KIAA0232: variants seen among roughly 807,000 people sequenced by gnomAD.
KIAA0232 encodes the protein uncharacterized protein KIAA0232.
A neutral mutation model predicts 122.0 loss-of-function variants in KIAA0232; 27 were observed. The ratio of observed to expected loss-of-function variants is 0.22; its 90% CI spans 0.16 to 0.31. The LOEUF (loss-of-function observed/expected upper bound fraction) is 0.31, where lower values mean the gene tolerates loss of function less well. Ranked by LOEUF, KIAA0232 falls within the 10% of genes least tolerant of loss-of-function variation. KIAA0232 has a pLI of 1.00. For missense variants in KIAA0232, 1,551 were observed against 1,634.2 expected, an observed-to-expected ratio of 0.95 and a Z score of 0.88; for synonymous variants, 613 against 587.6, an observed-to-expected ratio of 1.04 and a Z score of -0.63.
At chr4:6,824,844 A>C (rs1035674441) in intron 3 of KIAA0232, among the ~76,000 whole-genome samples, 160 bp downstream of exon 3, 3 of 152,218 alleles carry the variant, frequency 2.0e-5, no homozygotes, top group Admixed American at 2.0e-4. Context: ...TTGGAGTGTC[A>C]ATCAGCCTGT....
intron 2 of KIAA0232, among the ~76,000 whole-genome samples, chr4:6,808,465 A>G (rs542690899): frequency 4.1e-4 from 61 of 147,118 alleles, no homozygotes; most frequent in Non-Finnish European, 4.9e-4. Context: ...CATGACTTGC[A>G]GAAGTACCAT....
chr4:6,795,227 C>G (rs148849110), intron 1 of KIAA0232, among the ~76,000 whole-genome samples: 288 of 152,248 alleles, frequency 1.9e-3, no homozygotes, highest in African/African-American at 6.6e-3. Flanking sequence ...CCCACCACCA[C>G]GCCTAGCTAA....
intron 1 of KIAA0232, among the ~76,000 whole-genome samples, chr4:6,797,771 CAAAA>C (rs963052887): frequency 1.1e-4 from 5 of 47,322 alleles, no homozygotes; most frequent in Admixed American, 4.8e-4. Flanking sequence ...CCCTGCCTCT[CAAAA>C]AAAAAAAAAA....
chr4:6,858,551 T>C (rs1180646252), intron 6 of KIAA0232, 45 bp downstream of exon 6: 1 of 1,256,666 alleles, frequency 8.0e-7, no homozygotes, highest in Admixed American at 2.1e-5. Flanking sequence ...TTTGTTAAAA[T>C]CAGATGAATA....
intron 3 of KIAA0232, among the ~76,000 whole-genome samples, chr4:6,841,624 A>G (rs1180548796): frequency 1.3e-5 from 2 of 152,214 alleles, no homozygotes; most frequent in Non-Finnish European, 2.9e-5. Flanking sequence ...AGGAAGAAGT[A>G]AGACTCTAGT....
At chr4:6,787,798 A>G (rs1002690332) in intron 1 of KIAA0232, among the ~76,000 whole-genome samples, 2 of 152,098 alleles carry the variant, frequency 1.3e-5, no homozygotes, top group Admixed American at 1.3e-4. Flanking sequence ...ATCATGACCC[A>G]TTTCCCAAGT....
intron 1 of KIAA0232, among the ~76,000 whole-genome samples, chr4:6,791,295 A>G (rs1437196547): frequency 6.9e-6 from 1 of 145,328 alleles, no homozygotes; most frequent in Non-Finnish European, 1.5e-5. Flanking sequence ...ACATTGGAAT[A>G]CAAGTAGCTG....
At chr4:6,816,124 G>A (rs923152138) in intron 2 of KIAA0232, among the ~76,000 whole-genome samples, 3 of 152,076 alleles carry the variant, frequency 2.0e-5, no homozygotes, top group African/African-American at 7.2e-5. Context: ...TAGAGGTTCT[G>A]TGGTAGACAA....
In KIAA0232 at chr4:6,876,422, G is replaced by T. The variant is rs576543472; in HGVS notation, c.3911-238G>T. Among the ~76,000 whole-genome samples the T allele has an allele frequency of 2.6e-5, 4 of 152,234 alleles. No homozygotes were observed. The East Asian group carries it at 7.7e-4, about 29-fold the overall frequency. On this transcript the variant is annotated intron_variant, in intron 8 of 9. Coordinates refer to ENST00000307659, the MANE Select transcript of KIAA0232 (RefSeq NM_014743.3). ...ATAACAGGAGTGTATGGTTATGCTG[G>T]CCTATTTCTTTTTTTAACTCACCAA...
intron 2 of KIAA0232, among the ~76,000 whole-genome samples, chr4:6,823,923 C>T (rs1718543559): frequency 6.6e-6 from 1 of 152,102 alleles, no homozygotes; most frequent in African/African-American, 2.4e-5. Context: ...AGTCATGGTG[C>T]AGGACAGCCT....
chr4:6,872,882 G>T (rs1347425986), intron 8 of KIAA0232, among the ~76,000 whole-genome samples: 1 of 152,190 alleles, frequency 6.6e-6, no homozygotes, highest in East Asian at 1.9e-4. Context: ...GGCCAGCTTG[G>T]CCAGGTTGAC....
chr4:6,875,217 C>A lies in KIAA0232; in HGVS notation c.3911-1443C>A, dbSNP rs1721687494. Among the ~76,000 whole-genome samples the A allele has an allele frequency of 2.0e-5, 3 of 152,252 alleles. No individual in the cohort carries two copies. The South Asian group carries it at 6.2e-4, about 31-fold the overall frequency. ...CTTTGATAAGCAGCGGTCATGGGTG[C>A]AATGTGTGTGCCCGGCACTGTGCTT... On this transcript the variant is annotated intron_variant, in intron 8 of 9. Coordinates refer to ENST00000307659, the MANE Select transcript of KIAA0232 (RefSeq NM_014743.3).
At chr4:6,847,250 A>G (rs879397528) in intron 4 of KIAA0232, among the ~76,000 whole-genome samples, 1 of 152,194 alleles carries the variant, frequency 6.6e-6, no homozygotes, top group Non-Finnish European at 1.5e-5. Flanking sequence ...CTATAAAAGC[A>G]TCCATAGTTA....
At chr4:6,817,176 A>G (rs1718171958) in intron 2 of KIAA0232, among the ~76,000 whole-genome samples, 1 of 152,186 alleles carries the variant, frequency 6.6e-6, no homozygotes. Context: ...ACAGTGCTCT[A>G]CATTTCTTTC....
chr4:6,811,134 C>T (rs370084726), intron 2 of KIAA0232, among the ~76,000 whole-genome samples: 2 of 152,068 alleles, frequency 1.3e-5, no homozygotes, highest in East Asian at 1.9e-4. Flanking sequence ...AGGAAAAGAA[C>T]GTGTCAGAAA....
rs764032060 is a variant in KIAA0232 at position 6,862,833 on chromosome 4, A to G, written c.2451A>G (p.Gly817=). 6.2e-7 allele frequency: 1 copy of G among 1,614,178 alleles called. No individual in the cohort carries two copies. The highest frequency in any genetic ancestry group is 8.5e-7 in the Non-Finnish European group (1 of 1,180,034). Residue 817 remains glycine (G), a synonymous_variant, in exon 7 of 10, where the codon GGA becomes GGG. Transcript: ENST00000307659. ...AAGTATGTAATGAAAGTCCACATGGAGATGGCTACAGCTCAGGGGTTATTA... is the reference window on the plus strand; with the variant it reads ...AAGTATGTAATGAAAGTCCACATGGGGATGGCTACAGCTCAGGGGTTATTA... ...TTQVCNESPH[G]DGYSSGVIKD...
At chr4:6,850,612 A>G (rs1577397689) in intron 4 of KIAA0232, among the ~76,000 whole-genome samples, 1 of 151,834 alleles carries the variant, frequency 6.6e-6, no homozygotes, top group African/African-American at 2.4e-5. Flanking sequence ...TCTCCTGGTA[A>G]TGGGCCTTTC....
chr4:6,852,038 A>G (rs1720313133), intron 4 of KIAA0232, among the ~76,000 whole-genome samples: 1 of 151,706 alleles, frequency 6.6e-6, no homozygotes, highest in Non-Finnish European at 1.5e-5. Flanking sequence ...GAAAACTTTA[A>G]CCTTCTTTTT....
At chr4:6,824,709 C>A in intron 3 of KIAA0232, 25 bp downstream of exon 3, 2 of 1,587,352 alleles carry the variant, frequency 1.3e-6, no homozygotes, top group South Asian at 2.2e-5. Flanking sequence ...TAAGTGTTTT[C>A]TGAAAACTGA....
Sources: allele counts gnomAD v4.1 joint callset (sites outside exome capture counted in the v4.1 genomes callset), GRCh38; gene constraint gnomAD v4.1.1; transcripts MANE v1.5; gene names NCBI Gene and HGNC (gene_info 2026-07-23, HGNC 2026-07-21).